TMEM253: variants seen among roughly 807,000 people sequenced by gnomAD.
TMEM253 encodes the protein transmembrane protein C14orf176.
A neutral mutation model predicts 20.3 loss-of-function variants in TMEM253; 22 were observed. That is an observed-to-expected ratio of 1.08 (90% CI 0.78 to 1.55). TMEM253 has a LOEUF of 1.55. Among genes scored for constraint, TMEM253 ranks in the 40% most tolerant of loss-of-function variants. The pLI is 0.00. For missense variants in TMEM253, 251 were observed against 266.1 expected (o/e 0.94, Z 0.39); for synonymous variants, 92 against 102.6 (o/e 0.90, Z 0.62).
exon 7 of TMEM253, chr14:21,103,147 T>C (rs1181749660): frequency 6.4e-7 from 1 of 1,551,590 alleles, no homozygotes; most frequent in East Asian, 2.4e-5. Context: ...AGGGCTTCTC[T>C]GAGTTGGAAG....
At chr14:21,101,674 A>C in intron 2 of TMEM253, 191 bp from the exon 3 acceptor site, 1 of 645,064 alleles carries the variant, frequency 1.6e-6, no homozygotes, top group Non-Finnish European at 2.7e-6. Flanking sequence ...CAGGTAAGTA[A>C]CTAAACTACA....
chr14:21,103,063 A>G, intron 6 of TMEM253, 76 bp from the exon 7 acceptor site: 5 of 1,548,454 alleles, frequency 3.2e-6, no homozygotes, highest in Non-Finnish European at 4.4e-6. Flanking sequence ...ATTGGGCAGG[A>G]GGAAGCAGTT....
At chr14:21,101,767 C>A in intron 2 of TMEM253, 98 bp from the exon 3 acceptor site, 1 of 934,518 alleles carries the variant, frequency 1.1e-6, no homozygotes, top group Non-Finnish European at 1.6e-6. Context: ...CTCCACCCTG[C>A]ATTCAATCCC....
exon 7 of TMEM253, chr14:21,103,349 C>T: frequency 6.8e-7 from 1 of 1,469,672 alleles, no homozygotes; most frequent in East Asian, 2.5e-5. Flanking sequence ...TCCGGGAGTG[C>T]CTTCAGTTTT....
At chr14:21,101,666 GGTAA>G in intron 2 of TMEM253, 195 bp from the exon 3 acceptor site, 2 of 642,480 alleles carry the variant, frequency 3.1e-6, no homozygotes, top group Non-Finnish European at 5.3e-6. Context: ...AAAACATACA[GGTAA>G]GTAACTAAAC....
upstream of TMEM253, chr14:21,098,877 G>T: frequency 7.8e-7 from 1 of 1,283,042 alleles, no homozygotes; most frequent in Non-Finnish European, 1.0e-6. Flanking sequence ...GTTCTTCCTG[G>T]GGTTTTATCT....
At chr14:21,102,142 C>T in intron 4 of TMEM253, 22 bp downstream of exon 4, 1 of 1,546,310 alleles carries the variant, frequency 6.5e-7, no homozygotes, top group Non-Finnish European at 8.7e-7. Context: ...GAAAACGCAG[C>T]ACTGTCCTCC....
intron 2 of TMEM253, 80 bp from the exon 3 acceptor site, chr14:21,101,785 G>T: frequency 8.8e-7 from 1 of 1,134,496 alleles, no homozygotes; most frequent in South Asian, 1.5e-5. Flanking sequence ...CCCATTTCCT[G>T]ATCTCTAAAG....
chr14:21,101,882 G>T (rs1398110220), exon 3 of TMEM253: 2 of 1,551,574 alleles, frequency 1.3e-6, no homozygotes, highest in Middle Eastern at 1.7e-4. Context: ...AGCTATGGCT[G>T]GCAGTGGTTG....
upstream of TMEM253, among the ~76,000 whole-genome samples, chr14:21,100,859 T>C (rs955783047): frequency 1.3e-5 from 2 of 151,808 alleles, no homozygotes; most frequent in African/African-American, 4.8e-5. Context: ...TGAGGGGGAA[T>C]TGAGGTCCAG....
At chr14:21,099,166 C>CT (rs1434078503), upstream of TMEM253, 13 of 199,400 alleles carry the variant, frequency 6.5e-5, no homozygotes, top group Non-Finnish European at 1.1e-4. Context: ...TGGTACCTTC[C>CT]TTCCAGGCGA....
At chr14:21,101,448 A>C in exon 2 of TMEM253, 1 of 1,551,392 alleles carries the variant, frequency 6.4e-7, no homozygotes, top group Non-Finnish European at 8.7e-7. Context: ...TCTTGGTGCT[A>C]GCGGTGAGGC....
chr14:21,102,746 G>A (rs1889727679), exon 6 of TMEM253: 1 of 1,550,972 alleles, frequency 6.4e-7, no homozygotes, highest in African/African-American at 1.4e-5. Context: ...GATGCTGCAG[G>A]AGCCAGAGTC....
At chr14:21,101,212 C>G in intron 1 of TMEM253, 28 bp downstream of exon 1, 1 of 814,438 alleles carries the variant, frequency 1.2e-6, no homozygotes, top group Non-Finnish European at 1.9e-6. Flanking sequence ...GACCTCAAAT[C>G]CCTGGATATT....
chr14:21,100,675 G>T (rs1331649138), upstream of TMEM253, among the ~76,000 whole-genome samples: 1 of 152,200 alleles, frequency 6.6e-6, no homozygotes, highest in African/African-American at 2.4e-5. Context: ...AAGGAAGGGA[G>T]ACTGTCCAGA....
intron 4 of TMEM253, 55 bp from the exon 5 acceptor site, chr14:21,102,350 T>C (rs1889693445): frequency 2.0e-6 from 3 of 1,533,840 alleles, no homozygotes; most frequent in Admixed American, 2.0e-5. Flanking sequence ...CAAGTGGGGA[T>C]TGAGGTTGGA....
exon 7 of TMEM253, chr14:21,103,429 T>G (rs1889777287): frequency 9.1e-7 from 1 of 1,102,738 alleles, no homozygotes; most frequent in Non-Finnish European, 1.3e-6. Flanking sequence ...GAATATATCC[T>G]CACCTCACCA....
In TMEM253 at chr14:21,101,983, C is replaced by A; in HGVS notation, c.219+8C>A. On this transcript the variant is annotated splice_region_variant and intron_variant, in intron 3 of 6. Coordinates refer to ENST00000556585, the Ensembl canonical transcript of TMEM253. ...CTTGGGCCTGGAGCCTCAGTAAGAC[C>A]CACCACAAGGGAGGGTGGAAGGTCC... is the stretch of plus-strand genomic sequence containing the variant. 1 of 1,551,428 alleles carries A rather than the reference C, an allele frequency of 6.4e-7. No homozygotes were observed. Among genetic ancestry groups the A allele is most frequent in the Non-Finnish European group, 8.7e-7 (1 of 1,146,768 alleles).
upstream of TMEM253, among the ~76,000 whole-genome samples, chr14:21,099,599 A>G (rs1337511989): frequency 1.3e-5 from 2 of 152,224 alleles, no homozygotes; most frequent in Non-Finnish European, 2.9e-5. Context: ...CCCTCCTCGT[A>G]CTAACTTCTA....
Sources: gnomAD v4.1 joint callset for allele counts (sites outside exome capture counted in the v4.1 genomes callset) on GRCh38, gnomAD v4.1.1 for gene constraint, MANE v1.5 for transcripts, NCBI Gene and HGNC (gene_info 2026-07-23, HGNC 2026-07-21) for gene names.